The following TTLL11 variants were observed in gnomAD, a reference collection of about 807,000 sequenced individuals.
TTLL11 encodes tubulin polyglutamylase TTLL11.
A neutral mutation model predicts 51.7 loss-of-function variants in TTLL11; 42 were observed. That is an observed-to-expected ratio of 0.81 (90% CI 0.64 to 1.05). The LOEUF is 1.05. Ranked by LOEUF, TTLL11 falls within the 50% of genes least tolerant of loss-of-function variation. TTLL11 has a pLI of 0.00. For synonymous variants in TTLL11, 381 were observed against 383.5 expected, an observed-to-expected ratio of 0.99 and a Z score of 0.08; for missense variants, 799 against 940.4, an observed-to-expected ratio of 0.85 and a Z score of 1.97.
intron 6 of TTLL11, among the ~76,000 whole-genome samples, chr9:121,895,600 T>C (rs1839449552): frequency 6.6e-6 from 1 of 151,528 alleles, no homozygotes; most frequent in Non-Finnish European, 1.5e-5. Flanking sequence ...TGTGTGGTTG[T>C]GTATGTGTGT....
At chr9:122,016,751 G>A (rs1262162358) in intron 3 of TTLL11, among the ~76,000 whole-genome samples, 4 of 152,114 alleles carry the variant, frequency 2.6e-5, no homozygotes, top group African/African-American at 4.8e-5. Flanking sequence ...TTATTGAACA[G>A]GTTTTTGGCT....
chr9:121,949,552 A>C (rs544308746), intron 6 of TTLL11, among the ~76,000 whole-genome samples: 4 of 152,278 alleles, frequency 2.6e-5, no homozygotes, highest in African/African-American at 9.6e-5. Context: ...CAAGAAATGC[A>C]GATTCAGATG....
At chr9:122,071,840 T>A (rs911191685) in intron 1 of TTLL11, among the ~76,000 whole-genome samples, 5 of 152,182 alleles carry the variant, frequency 3.3e-5, no homozygotes, top group Admixed American at 1.3e-4. Context: ...TACCTTGCTG[T>A]CTCTGCAGAT....
chr9:122,037,888 C>A (rs1306327568), intron 2 of TTLL11, among the ~76,000 whole-genome samples: 1 of 152,154 alleles, frequency 6.6e-6, no homozygotes, highest in Non-Finnish European at 1.5e-5. Flanking sequence ...GGTGAAAACC[C>A]CTAGTGGATG....
chr9:122,038,160 G>C (rs906805545), intron 2 of TTLL11, among the ~76,000 whole-genome samples: 1 of 152,206 alleles, frequency 6.6e-6, no homozygotes, highest in Admixed American at 6.5e-5. Flanking sequence ...TGTTAAATGA[G>C]ATATGGGATT....
At chr9:121,897,046 A>G (rs780884561) in intron 6 of TTLL11, among the ~76,000 whole-genome samples, 15 of 152,162 alleles carry the variant, frequency 9.9e-5, no homozygotes, top group Non-Finnish European at 1.0e-4. Flanking sequence ...CTAGCAGTCA[A>G]TAGACTTATT....
intron 1 of TTLL11, among the ~76,000 whole-genome samples, chr9:122,044,543 T>C (rs1433151462): frequency 1.3e-5 from 2 of 152,348 alleles, no homozygotes; most frequent in East Asian, 1.9e-4. Flanking sequence ...TTTTTAATGA[T>C]CGCCATTCTA....
chr9:122,046,489 G>GCT (rs529593416), intron 1 of TTLL11, among the ~76,000 whole-genome samples: 282 of 152,260 alleles, frequency 1.9e-3, no homozygotes, highest in Non-Finnish European at 3.3e-3. Context: ...GCCCCCTGCA[G>GCT]CTGAGGGGCC....
chr9:122,034,171 G>A (rs538163215), intron 2 of TTLL11, among the ~76,000 whole-genome samples: 12 of 152,318 alleles, frequency 7.9e-5, no homozygotes, highest in Non-Finnish European at 1.6e-4. Context: ...TCGTTGTGCC[G>A]GGGGAATGTT....
chr9:121,925,809 T>C (rs2002164), intron 6 of TTLL11, among the ~76,000 whole-genome samples: 11,727 of 152,134 alleles, frequency 0.077, 663 homozygotes, highest in African/African-American at 0.16. Context: ...TGAATGGCAG[T>C]GCCCTGCTCC....
At chr9:121,879,786 C>T (rs1838711819) in intron 6 of TTLL11, among the ~76,000 whole-genome samples, 2 of 14,122 alleles carry the variant, frequency 1.4e-4, no homozygotes, top group Admixed American at 4.2e-4. Context: ...GGCAACATAG[C>T]GAGACCCCAC....
At chr9:121,878,566 G>T (rs556743659) in intron 6 of TTLL11, among the ~76,000 whole-genome samples, 8 of 152,256 alleles carry the variant, frequency 5.3e-5, no homozygotes, top group African/African-American at 1.9e-4. Context: ...GCCAGGCGAC[G>T]CATTAACTGA....
intron 6 of TTLL11, among the ~76,000 whole-genome samples, chr9:121,954,492 T>C (rs138726323): frequency 6.6e-6 from 1 of 152,228 alleles, no homozygotes; most frequent in African/African-American, 2.4e-5. Context: ...GCCTTCTGTA[T>C]CCAGAACTAT....
chr9:121,841,365 G>A (rs757351947), intron 8 of TTLL11, among the ~76,000 whole-genome samples: 5 of 152,142 alleles, frequency 3.3e-5, no homozygotes, highest in Admixed American at 1.3e-4. Context: ...GAACAGAACC[G>A]TGCTCCCCAT....
intron 1 of TTLL11, among the ~76,000 whole-genome samples, chr9:122,079,292 T>G (rs1428303034): frequency 6.6e-6 from 1 of 152,228 alleles, no homozygotes; most frequent in African/African-American, 2.4e-5. Flanking sequence ...GGTATTTCAC[T>G]GTGGTTTTGA....
chr9:121,916,271 T>C (rs1435097487), intron 6 of TTLL11, among the ~76,000 whole-genome samples: 1 of 152,214 alleles, frequency 6.6e-6, no homozygotes, highest in African/African-American at 2.4e-5. Flanking sequence ...ATACATAGTG[T>C]GATCCTGTTT....
At chr9:122,024,832 A>G (rs1844280348) in intron 3 of TTLL11, among the ~76,000 whole-genome samples, 1 of 152,198 alleles carries the variant, frequency 6.6e-6, no homozygotes, top group Non-Finnish European at 1.5e-5. Flanking sequence ...CTTTTAGACA[A>G]AAACATAGCA....
At chr9:121,962,530 A>G (rs1342789879) in intron 6 of TTLL11, among the ~76,000 whole-genome samples, 1 of 152,214 alleles carries the variant, frequency 6.6e-6, no homozygotes, top group Admixed American at 6.5e-5. Context: ...TTCCCAGCCA[A>G]CTATTAGGTT....
intron 6 of TTLL11, among the ~76,000 whole-genome samples, chr9:121,879,424 T>G (rs1385964479): frequency 2.0e-5 from 3 of 152,216 alleles, no homozygotes; most frequent in Non-Finnish European, 4.4e-5. Flanking sequence ...TCACTGTACC[T>G]GCTCTGACAC....
Sources: allele counts gnomAD v4.1 joint callset (sites outside exome capture counted in the v4.1 genomes callset), GRCh38; gene constraint gnomAD v4.1.1; transcripts MANE v1.5; gene names NCBI Gene and HGNC (gene_info 2026-07-23, HGNC 2026-07-21).